ST6GALNAC3: variants seen among roughly 807,000 people sequenced by gnomAD.
ST6GALNAC3 encodes the protein alpha-N-acetylgalactosaminide alpha-2,6-sialyltransferase 3.
In ST6GALNAC3, 25 loss-of-function variants were observed where a neutral mutation model predicts 32.7. That is an observed-to-expected ratio of 0.76 (90% CI 0.56 to 1.07). The LOEUF (loss-of-function observed/expected upper bound fraction) is 1.07, where lower values mean the gene tolerates loss of function less well. Among genes scored for constraint, ST6GALNAC3 ranks in the 50% least tolerant of loss-of-function variants. The pLI is 0.00. For synonymous variants in ST6GALNAC3, 129 were observed against 133.1 expected, an observed-to-expected ratio of 0.97 and a Z score of 0.21; for missense variants, 355 against 382.4, an observed-to-expected ratio of 0.93 and a Z score of 0.60.
chr1:76,124,628 C>T (rs1219940525), intron 1 of ST6GALNAC3, among the ~76,000 whole-genome samples: 1 of 152,190 alleles, frequency 6.6e-6, no homozygotes, highest in Non-Finnish European at 1.5e-5. Context: ...CTGGCCCCAA[C>T]TTTTTTCCCT....
intron 3 of ST6GALNAC3, among the ~76,000 whole-genome samples, chr1:76,428,218 C>T (rs976143031): frequency 6.6e-6 from 1 of 152,052 alleles, no homozygotes; most frequent in East Asian, 1.9e-4. Context: ...ACATACAACC[C>T]TGAAATTGAA....
At chr1:76,427,808 C>T (rs1010211398) in intron 3 of ST6GALNAC3, among the ~76,000 whole-genome samples, 5 of 152,066 alleles carry the variant, frequency 3.3e-5, no homozygotes, top group African/African-American at 9.7e-5. Flanking sequence ...AGAAAAGCCC[C>T]GAAGGGCCTG....
chr1:76,090,346 G>T (rs1647027191), intron 1 of ST6GALNAC3, among the ~76,000 whole-genome samples: 1 of 152,222 alleles, frequency 6.6e-6, no homozygotes. Flanking sequence ...GGTGGAATTA[G>T]TCTCACTGAT....
intron 1 of ST6GALNAC3, among the ~76,000 whole-genome samples, chr1:76,180,488 C>T (rs1653109782): frequency 1.3e-5 from 2 of 152,084 alleles, no homozygotes; most frequent in South Asian, 4.2e-4. Context: ...CCTGGATATC[C>T]CTGTCCCCAA....
chr1:76,570,266 G>A (rs1369863822), intron 3 of ST6GALNAC3, among the ~76,000 whole-genome samples: 1 of 151,990 alleles, frequency 6.6e-6, no homozygotes, highest in African/African-American at 2.4e-5. Context: ...TGTATGTATG[G>A]TAATGGACAA....
chr1:76,557,961 A>G (rs72991821), intron 3 of ST6GALNAC3, among the ~76,000 whole-genome samples: 1,764 of 152,290 alleles, frequency 0.012, 26 homozygotes, highest in African/African-American at 0.038. Context: ...AAGATGAAAC[A>G]TGTTAGTAAG....
chr1:76,438,025 C>T (rs1008472543), intron 3 of ST6GALNAC3, among the ~76,000 whole-genome samples: 3 of 151,806 alleles, frequency 2.0e-5, no homozygotes, highest in African/African-American at 4.8e-5. Context: ...TGAAAATTAA[C>T]GTCAAAATAA....
At chr1:76,497,228 C>G (rs1022793124) in intron 3 of ST6GALNAC3, among the ~76,000 whole-genome samples, 1 of 152,052 alleles carries the variant, frequency 6.6e-6, no homozygotes, top group Non-Finnish European at 1.5e-5. Context: ...GAATCTTGGT[C>G]AGGAGTGAGA....
chr1:76,183,625 T>A (rs1479150696), intron 1 of ST6GALNAC3, among the ~76,000 whole-genome samples: 1 of 151,834 alleles, frequency 6.6e-6, no homozygotes, highest in Non-Finnish European at 1.5e-5. Flanking sequence ...TAGTAGAGCC[T>A]ACTACATCAT....
chr1:76,313,186 C>T (rs1181813837), intron 1 of ST6GALNAC3, among the ~76,000 whole-genome samples: 1 of 152,092 alleles, frequency 6.6e-6, no homozygotes, highest in African/African-American at 2.4e-5. Context: ...AGAATGTGAA[C>T]ATCCATTCAT....
chr1:76,122,240 C>T (rs1019129263), intron 1 of ST6GALNAC3, among the ~76,000 whole-genome samples: 1 of 152,088 alleles, frequency 6.6e-6, no homozygotes, highest in Non-Finnish European at 1.5e-5. Context: ...GTAGAGGAAA[C>T]CTGAAGTTTA....
intron 3 of ST6GALNAC3, among the ~76,000 whole-genome samples, chr1:76,506,318 G>A (rs184269349): frequency 9.7e-4 from 147 of 152,304 alleles, no homozygotes; most frequent in Middle Eastern, 3.4e-3. Flanking sequence ...ATCTGGGCCT[G>A]TCTCAGGCAA....
chr1:76,609,490 G>C (rs1422916523), intron 3 of ST6GALNAC3, among the ~76,000 whole-genome samples: 1 of 152,084 alleles, frequency 6.6e-6, no homozygotes, highest in Non-Finnish European at 1.5e-5. Flanking sequence ...TTTGGTATCT[G>C]TCAAAGAAAT....
intron 1 of ST6GALNAC3, among the ~76,000 whole-genome samples, chr1:76,092,030 A>G (rs1043634395): frequency 6.6e-5 from 10 of 152,178 alleles, no homozygotes; most frequent in African/African-American, 1.7e-4. Flanking sequence ...GAGAGTTAGG[A>G]GATCCTTCAG....
chr1:76,233,913 T>C (rs1656507482), intron 1 of ST6GALNAC3, among the ~76,000 whole-genome samples: 9 of 151,610 alleles, frequency 5.9e-5, no homozygotes, highest in Admixed American at 5.9e-4. Context: ...ATCTGTGATA[T>C]TAAAATTTTA....
At chr1:76,287,644 G>A (rs934170922) in intron 1 of ST6GALNAC3, among the ~76,000 whole-genome samples, 2 of 152,160 alleles carry the variant, frequency 1.3e-5, no homozygotes, top group South Asian at 2.1e-4. Context: ...AGCCTAAATC[G>A]CAGGCATTAT....
chr1:76,429,951 A>G (rs1441705336), intron 3 of ST6GALNAC3, among the ~76,000 whole-genome samples: 2 of 152,194 alleles, frequency 1.3e-5, no homozygotes, highest in African/African-American at 4.8e-5. Flanking sequence ...ATTCACTTCC[A>G]TAAGTCAACC....
chr1:76,381,187 G>GAAAAAAAAAAAAAAAAAAAAAAAAA, intron 2 of ST6GALNAC3, among the ~76,000 whole-genome samples: 1 of 121,244 alleles, frequency 8.2e-6, no homozygotes, highest in Non-Finnish European at 1.7e-5. Flanking sequence ...AAAAAAAAAA[G>GAAAAAAAAAAAAAAAAAAAAAAAAA]AAAAAAAAAA....
At chr1:76,390,141 T>A (rs1652421228) in intron 2 of ST6GALNAC3, among the ~76,000 whole-genome samples, 1 of 152,228 alleles carries the variant, frequency 6.6e-6, no homozygotes, top group Admixed American at 6.5e-5. Flanking sequence ...ATGTTTGTTT[T>A]ATGATAGTTT....
Sources: allele counts gnomAD v4.1 joint callset (sites outside exome capture counted in the v4.1 genomes callset), GRCh38; gene constraint gnomAD v4.1.1; transcripts MANE v1.5; gene names NCBI Gene and HGNC (gene_info 2026-07-23, HGNC 2026-07-21).